Variants in SCHIP1 observed in about 807,000 individuals in gnomAD.
The protein encoded by SCHIP1 is schwannomin-interacting protein 1.
Under a neutral mutation model 29.7 loss-of-function variants are expected in SCHIP1, and 8 were observed. The ratio of observed to expected loss-of-function variants is 0.27; its 90% CI spans 0.16 to 0.49. The LOEUF is 0.49. Ranked by LOEUF, SCHIP1 falls within the 20% of genes least tolerant of loss-of-function variation. The probability of loss-of-function intolerance (pLI) is 0.99; values close to 1 mark genes in which losing one functional copy is unlikely to be tolerated. For synonymous variants in SCHIP1, 76 were observed against 94.9 expected (o/e 0.80, Z 1.16); for missense variants, 193 against 294.6 (o/e 0.66, Z 2.52).
the SCHIP1 span, among the ~76,000 whole-genome samples, chr3:159,543,031 G>A: frequency 6.6e-6 from 1 of 150,652 alleles, no homozygotes; most frequent in African/African-American, 2.5e-5. Context: ...AAGTGTGTAT[G>A]TGTATATATA....
At chr3:159,765,070 C>G in the SCHIP1 span, 1 of 1,566,544 alleles carries the variant, frequency 6.4e-7, no homozygotes, top group Admixed American at 1.9e-5. Flanking sequence ...GGAGAAGCAT[C>G]TGGCCGGGCT....
the SCHIP1 span, among the ~76,000 whole-genome samples, chr3:159,609,513 G>T: frequency 1.3e-5 from 2 of 152,156 alleles, no homozygotes; most frequent in African/African-American, 4.8e-5. Flanking sequence ...CTTAGCTGAA[G>T]TATTTCTCGT....
chr3:159,867,795 T>C (rs73019997), intron 2 of SCHIP1, among the ~76,000 whole-genome samples: 20 of 152,210 alleles, frequency 1.3e-4, no homozygotes, highest in African/African-American at 4.8e-4. Context: ...TTACCATGTC[T>C]CATTTTCTTC....
At chr3:159,550,816 T>C in the SCHIP1 span, among the ~76,000 whole-genome samples, 1 of 152,148 alleles carries the variant, frequency 6.6e-6, no homozygotes, top group Non-Finnish European at 1.5e-5. Context: ...TACAACAAAA[T>C]GGCACCCTAG....
the SCHIP1 span, among the ~76,000 whole-genome samples, chr3:159,518,449 C>T: frequency 2.0e-5 from 3 of 152,014 alleles, no homozygotes; most frequent in South Asian, 2.1e-4. Context: ...ATATTTTTCA[C>T]TATTGAATAT....
the SCHIP1 span, among the ~76,000 whole-genome samples, chr3:159,469,399 C>T: frequency 6.6e-6 from 1 of 152,190 alleles, no homozygotes; most frequent in Non-Finnish European, 1.5e-5. Flanking sequence ...TAGCTGAATT[C>T]AGAGTGAAAT....
At chr3:159,450,465 TGTG>T in the SCHIP1 span, among the ~76,000 whole-genome samples, 3 of 152,368 alleles carry the variant, frequency 2.0e-5, no homozygotes, top group Non-Finnish European at 4.4e-5. Context: ...TAATGTCACT[TGTG>T]GTAACTAAGG....
At chr3:159,803,137 T>C in the SCHIP1 span, among the ~76,000 whole-genome samples, 1 of 152,120 alleles carries the variant, frequency 6.6e-6, no homozygotes, top group Admixed American at 6.6e-5. Context: ...GAGAATGTAT[T>C]CTTATCCTAA....
At chr3:159,384,856 G>T in the SCHIP1 span, among the ~76,000 whole-genome samples, 10 of 152,286 alleles carry the variant, frequency 6.6e-5, no homozygotes, top group South Asian at 2.1e-3. Flanking sequence ...ATTTGTCAAG[G>T]AATTTATCCA....
chr3:159,886,002 G>A (rs1028224321), intron 2 of SCHIP1, among the ~76,000 whole-genome samples: 1 of 152,232 alleles, frequency 6.6e-6, no homozygotes, highest in Non-Finnish European at 1.5e-5. Flanking sequence ...CACTTACCAT[G>A]AAACTGGCGA....
chr3:159,397,913 C>T, the SCHIP1 span, among the ~76,000 whole-genome samples: 1 of 152,210 alleles, frequency 6.6e-6, no homozygotes, highest in Admixed American at 6.5e-5. Context: ...GGCATGCACC[C>T]CTCCCCCAGC....
At chr3:159,888,262 TA>T (rs1157405643) in intron 4 of SCHIP1, 1 of 300,666 alleles carries the variant, frequency 3.3e-6, no homozygotes. Flanking sequence ...CATATTTCAA[TA>T]AAGACAATAT....
chr3:159,457,264 G>A, the SCHIP1 span, among the ~76,000 whole-genome samples: 1 of 152,156 alleles, frequency 6.6e-6, no homozygotes, highest in African/African-American at 2.4e-5. Flanking sequence ...AACAAATTAG[G>A]ATGTAATTGT....
chr3:159,345,277 A>G, the SCHIP1 span, among the ~76,000 whole-genome samples: 1 of 152,024 alleles, frequency 6.6e-6, no homozygotes, highest in Non-Finnish European at 1.5e-5. Flanking sequence ...TAAAGAAATT[A>G]AAAGCCAAAG....
At chr3:159,609,281 A>G in the SCHIP1 span, among the ~76,000 whole-genome samples, 1 of 152,114 alleles carries the variant, frequency 6.6e-6, no homozygotes, top group Admixed American at 6.6e-5. Context: ...GTGCAAAGGA[A>G]CTGGAGTGAG....
chr3:159,750,292 TATATAC>T, the SCHIP1 span, among the ~76,000 whole-genome samples: 11 of 136,180 alleles, frequency 8.1e-5, no homozygotes, highest in East Asian at 8.5e-4. Context: ...TATATATATA[TATATAC>T]ACACACACAC....
the SCHIP1 span, among the ~76,000 whole-genome samples, chr3:159,285,149 C>T: frequency 2.1e-4 from 32 of 152,020 alleles, no homozygotes; most frequent in East Asian, 9.7e-4. Flanking sequence ...GTGTAGGGAT[C>T]GTTTTTTAGT....
chr3:159,736,602 T>C, the SCHIP1 span, among the ~76,000 whole-genome samples: 2 of 152,148 alleles, frequency 1.3e-5, no homozygotes, highest in Non-Finnish European at 2.9e-5. Context: ...AAAGCTGCAC[T>C]TGAAACAATC....
At chr3:159,426,753 A>G in the SCHIP1 span, among the ~76,000 whole-genome samples, 1 of 152,232 alleles carries the variant, frequency 6.6e-6, no homozygotes, top group Non-Finnish European at 1.5e-5. Context: ...TTAGACCGAT[A>G]TCCTTGATGA....
Sources: allele counts gnomAD v4.1 joint callset (sites outside exome capture counted in the v4.1 genomes callset), GRCh38; gene constraint gnomAD v4.1.1; transcripts MANE v1.5; gene names NCBI Gene and HGNC (gene_info 2026-07-23, HGNC 2026-07-21).